Variants in PDE1C observed in about 807,000 individuals in gnomAD.
PDE1C encodes the protein dual specificity calcium/calmodulin-dependent 3',5'-cyclic nucleotide phosphodiesterase 1C.
In PDE1C, 62 loss-of-function variants were observed where a neutral mutation model predicts 93.1. The observed-to-expected ratio is 0.67, with a 90% CI of 0.54 to 0.82. The LOEUF is 0.82. PDE1C is among the 40% of genes least tolerant of loss of function. PDE1C has a pLI of 0.00. For missense variants in PDE1C, 742 were observed against 884.6 expected (o/e 0.84, Z 2.04); for synonymous variants, 325 against 310.1 (o/e 1.05, Z -0.50).
chr7:31,671,929 CT>C, the PDE1C span, among the ~76,000 whole-genome samples: 1 of 152,170 alleles, frequency 6.6e-6, no homozygotes, highest in African/African-American at 2.4e-5. Flanking sequence ...CCCACAAGGT[CT>C]TTTGTACTTG....
At chr7:31,809,136 A>C in intron 15 of PDE1C, 28 bp from the exon 16 acceptor site, 1 of 1,245,156 alleles carries the variant, frequency 8.0e-7, no homozygotes, top group Non-Finnish European at 1.2e-6. Context: ...GACAAACAGT[A>C]TATGTATGCA....
chr7:32,348,356 CTTTTTTTTTTTTT>C (rs59148183), intron 1 of PDE1C, among the ~76,000 whole-genome samples: 2 of 57,340 alleles, frequency 3.5e-5, no homozygotes, highest in Non-Finnish European at 6.5e-5. Context: ...AACAAATGTG[CTTTTTTTTTTTTT>C]TTTTTTTTTT....
the PDE1C span, chr7:31,652,717 C>G: frequency 6.2e-7 from 1 of 1,613,938 alleles, no homozygotes; most frequent in Admixed American, 1.7e-5. Flanking sequence ...ACTCCACCCA[C>G]CTTGGAGAAC....
At chr7:31,787,810 T>C (rs1316249913) in intron 16 of PDE1C, 1 of 152,252 alleles carries the variant, frequency 6.6e-6, no homozygotes, top group Non-Finnish European at 1.5e-5. Flanking sequence ...GAAATATTGC[T>C]TTTGCAGTCA....
intron 1 of PDE1C, among the ~76,000 whole-genome samples, chr7:32,213,198 A>G (rs10234664): frequency 0.056 from 8,570 of 152,152 alleles, 836 homozygotes; most frequent in African/African-American, 0.19. Context: ...TTCAATTTTT[A>G]AACAATTGTC....
intron 2 of PDE1C, among the ~76,000 whole-genome samples, chr7:32,028,066 T>C (rs1789733132): frequency 6.6e-6 from 1 of 152,146 alleles, no homozygotes; most frequent in Admixed American, 6.5e-5. Flanking sequence ...AGCAGGGCTG[T>C]CCAACAGCAA....
chr7:32,320,395 G>GC (rs1783265260), intron 1 of PDE1C, among the ~76,000 whole-genome samples: 1 of 152,124 alleles, frequency 6.6e-6, no homozygotes. Flanking sequence ...AGGAAGAATA[G>GC]CTAATAGATG....
chr7:31,843,311 T>C (rs1792151090), intron 9 of PDE1C, among the ~76,000 whole-genome samples: 1 of 151,900 alleles, frequency 6.6e-6, no homozygotes, highest in Non-Finnish European at 1.5e-5. Flanking sequence ...AAACCTCCTA[T>C]GATTGTGAAA....
chr7:31,921,800 TTAA>T (rs1802657318), intron 2 of PDE1C, among the ~76,000 whole-genome samples: 1 of 152,252 alleles, frequency 6.6e-6, no homozygotes, highest in Non-Finnish European at 1.5e-5. Context: ...TTTACTGTTA[TTAA>T]TAACTTTTTT....
At chr7:31,893,677 C>T (rs971449789) in intron 2 of PDE1C, among the ~76,000 whole-genome samples, 1 of 152,098 alleles carries the variant, frequency 6.6e-6, no homozygotes, top group Non-Finnish European at 1.5e-5. Flanking sequence ...AAAAAAAATC[C>T]TCCTCTGTTA....
At chr7:32,411,279 C>A (rs919720) in intron 1 of PDE1C, among the ~76,000 whole-genome samples, 22,590 of 152,126 alleles carry the variant, frequency 0.15, 3,283 homozygotes, top group African/African-American at 0.37. Context: ...TTAATAACAG[C>A]GATTAGGCGA....
intron 3 of PDE1C, among the ~76,000 whole-genome samples, chr7:32,133,576 C>T (rs1800041874): frequency 6.6e-6 from 1 of 152,176 alleles, no homozygotes; most frequent in Non-Finnish European, 1.5e-5. Flanking sequence ...ATGACCCCTT[C>T]ACTTGCAGCT....
intron 2 of PDE1C, among the ~76,000 whole-genome samples, chr7:32,004,619 G>C (rs1327931658): frequency 1.3e-5 from 2 of 152,212 alleles, no homozygotes; most frequent in African/African-American, 4.8e-5. Flanking sequence ...GCAGAGAGCA[G>C]AGCCTCTTTA....
chr7:32,174,146 G>C (rs1253397302), intron 2 of PDE1C, among the ~76,000 whole-genome samples: 1 of 152,098 alleles, frequency 6.6e-6, no homozygotes, highest in Non-Finnish European at 1.5e-5. Context: ...TGAAGGTCTG[G>C]TTCTGGGAAG....
At chr7:31,820,607 G>T (rs954386688) in intron 14 of PDE1C, 1 of 152,018 alleles carries the variant, frequency 6.6e-6, no homozygotes, top group African/African-American at 2.4e-5. Context: ...ATGTTCAAGT[G>T]CCCCACGGAG....
chr7:31,786,347 T>C (rs1361185766), intron 16 of PDE1C: 1 of 152,134 alleles, frequency 6.6e-6, no homozygotes, highest in Non-Finnish European at 1.5e-5. Context: ...TTTTATTTTA[T>C]TTTTTCCATA....
chr7:31,662,460 A>T, the PDE1C span, among the ~76,000 whole-genome samples: 3,459 of 152,110 alleles, frequency 0.023, 138 homozygotes, highest in African/African-American at 0.078. Context: ...TTCCCACCTG[A>T]GTGGGCACTG....
At chr7:31,622,834 T>G in the PDE1C span, among the ~76,000 whole-genome samples, 18,094 of 151,796 alleles carry the variant, frequency 0.12, 1,225 homozygotes, top group Middle Eastern at 0.17. Flanking sequence ...TTTTTTGAAA[T>G]GATCAACAAA....
At chr7:31,735,431 T>A in the PDE1C span, among the ~76,000 whole-genome samples, 4 of 146,912 alleles carry the variant, frequency 2.7e-5, no homozygotes, top group African/African-American at 5.0e-5. Context: ...AAAAAAGCAC[T>A]GCCTTTAAGT....
Sources: gnomAD v4.1 joint callset for allele counts (sites outside exome capture counted in the v4.1 genomes callset) on GRCh38, gnomAD v4.1.1 for gene constraint, MANE v1.5 for transcripts, NCBI Gene and HGNC (gene_info 2026-07-23, HGNC 2026-07-21) for gene names.